The following FSTL4 variants were observed in gnomAD, a reference collection of about 807,000 sequenced individuals.
FSTL4 encodes the protein follistatin-related protein 4.
FSTL4 carries 28 observed loss-of-function variants against 78.2 expected under a neutral mutation model. That is an observed-to-expected ratio of 0.36 (90% CI 0.27 to 0.49). The LOEUF (loss-of-function observed/expected upper bound fraction) is 0.49, where lower values mean the gene tolerates loss of function less well. Ranked by LOEUF, FSTL4 falls within the 20% of genes least tolerant of loss-of-function variation. The pLI, the probability that FSTL4 is intolerant of heterozygous loss-of-function variation, is 0.98. For missense variants in FSTL4, 922 were observed against 1,084.9 expected, an observed-to-expected ratio of 0.85 and a Z score of 2.11; for synonymous variants, 422 against 440.5, an observed-to-expected ratio of 0.96 and a Z score of 0.53.
chr5:133,769,901 T>C, the FSTL4 span, among the ~76,000 whole-genome samples: 1 of 152,196 alleles, frequency 6.6e-6, no homozygotes, highest in Non-Finnish European at 1.5e-5. Context: ...TTCCACTCTA[T>C]ACATCCATGG....
At chr5:133,729,426 G>T in the FSTL4 span, among the ~76,000 whole-genome samples, 3 of 152,102 alleles carry the variant, frequency 2.0e-5, no homozygotes, top group Non-Finnish European at 4.4e-5. Context: ...AAGTGTTGCT[G>T]GGAGGGTTAA....
chr5:133,804,942 C>T, the FSTL4 span, among the ~76,000 whole-genome samples: 1 of 94,518 alleles, frequency 1.1e-5, no homozygotes, highest in African/African-American at 4.5e-5. Flanking sequence ...GACTCCGTCT[C>T]AAAAAAAAAA....
At chr5:133,690,429 A>C in the FSTL4 span, among the ~76,000 whole-genome samples, 1 of 152,160 alleles carries the variant, frequency 6.6e-6, no homozygotes, top group African/African-American at 2.4e-5. Flanking sequence ...GAATCATGAC[A>C]TATATCTGCT....
At chr5:133,747,270 T>C in the FSTL4 span, among the ~76,000 whole-genome samples, 2 of 152,342 alleles carry the variant, frequency 1.3e-5, no homozygotes, top group South Asian at 4.1e-4. Flanking sequence ...AAATTATTCT[T>C]AATTAAAAAA....
chr5:133,645,881 C>T, the FSTL4 span, among the ~76,000 whole-genome samples: 3,464 of 152,218 alleles, frequency 0.023, 144 homozygotes, highest in African/African-American at 0.078. Context: ...CATGGCCCTC[C>T]GAACACCTTG....
chr5:133,808,011 A>G, the FSTL4 span, among the ~76,000 whole-genome samples: 1 of 152,164 alleles, frequency 6.6e-6, no homozygotes, highest in Non-Finnish European at 1.5e-5. Context: ...ACCAAGCACT[A>G]TGAACTCCTT....
chr5:133,238,471 C>T (rs1409768431), intron 7 of FSTL4, among the ~76,000 whole-genome samples: 1 of 152,224 alleles, frequency 6.6e-6, no homozygotes, highest in East Asian at 1.9e-4. Context: ...GGCCATTCCT[C>T]GAACACGTCT....
intron 4 of FSTL4, among the ~76,000 whole-genome samples, chr5:133,334,366 A>G (rs558377240): frequency 6.6e-6 from 1 of 152,140 alleles, no homozygotes; most frequent in Admixed American, 6.5e-5. Context: ...CACCCCTCTA[A>G]GTGGCAGTGC....
chr5:133,248,999 ACCT>A (rs1287544431), intron 7 of FSTL4, among the ~76,000 whole-genome samples: 1 of 151,924 alleles, frequency 6.6e-6, no homozygotes, highest in Non-Finnish European at 1.5e-5. Flanking sequence ...AGGGCCCAGA[ACCT>A]CCTCCTAAGG....
chr5:133,536,199 A>G (rs1342750770), intron 3 of FSTL4, among the ~76,000 whole-genome samples: 1 of 152,248 alleles, frequency 6.6e-6, no homozygotes, highest in Non-Finnish European at 1.5e-5. Flanking sequence ...TAGAAAATAC[A>G]GATAATAACG....
chr5:133,764,223 C>A, the FSTL4 span, among the ~76,000 whole-genome samples: 3 of 152,216 alleles, frequency 2.0e-5, no homozygotes, highest in African/African-American at 7.2e-5. Context: ...GCCCAGCTCC[C>A]AGCCCAGCCT....
At chr5:133,538,222 G>A (rs1196080940) in intron 3 of FSTL4, among the ~76,000 whole-genome samples, 3 of 151,798 alleles carry the variant, frequency 2.0e-5, no homozygotes, top group Admixed American at 2.0e-4. Context: ...CAGCCTTTCT[G>A]TCTCTTGACC....
At chr5:133,501,061 T>C (rs1262121186) in intron 3 of FSTL4, among the ~76,000 whole-genome samples, 1 of 152,076 alleles carries the variant, frequency 6.6e-6, no homozygotes, top group Non-Finnish European at 1.5e-5. Flanking sequence ...AGATGGAACA[T>C]GGCTATCACT....
rs141684085 is a variant in FSTL4, at chr5:133,342,650, C to T, written c.410-25998G>A. Reference sequence around the variant, plus strand: ...AATCAGATGCTGCAGGTGAGCTGAGCAGAGACACCCCAGACACAGGGCAAA... The same window carrying T: ...AATCAGATGCTGCAGGTGAGCTGAGTAGAGACACCCCAGACACAGGGCAAA... On this transcript the variant is annotated intron_variant, in intron 4 of 15. Coordinates refer to ENST00000265342, the MANE Select transcript of FSTL4 (RefSeq NM_015082.2). 1.3e-3 allele frequency among the ~76,000 whole-genome samples: 199 copies of T among 152,258 alleles called. 1 individual carries two copies. The highest frequency in any genetic ancestry group is 4.4e-3 in the African/African-American group (181 of 41,552).
chr5:133,699,052 A>C, the FSTL4 span, among the ~76,000 whole-genome samples: 1 of 152,220 alleles, frequency 6.6e-6, no homozygotes, highest in Non-Finnish European at 1.5e-5. Flanking sequence ...AGAGGCAGTC[A>C]ATGGTGTCCT....
At chr5:133,663,838 A>T in the FSTL4 span, among the ~76,000 whole-genome samples, 3 of 152,220 alleles carry the variant, frequency 2.0e-5, no homozygotes, top group Non-Finnish European at 4.4e-5. Flanking sequence ...CAACTTGAAC[A>T]AGCCAGGGAG....
chr5:133,375,856 T>G (rs895212413), intron 4 of FSTL4, among the ~76,000 whole-genome samples: 3 of 152,204 alleles, frequency 2.0e-5, no homozygotes, highest in African/African-American at 4.8e-5. Context: ...GTAGAAAATA[T>G]TACAAGTTTC....
At chr5:133,333,686 C>T (rs1580626653) in intron 4 of FSTL4, among the ~76,000 whole-genome samples, 1 of 152,218 alleles carries the variant, frequency 6.6e-6, no homozygotes, top group African/African-American at 2.4e-5. Flanking sequence ...GTAGCCGATT[C>T]CCAGAGCAAG....
chr5:133,280,237 A>G (rs1163058619), intron 6 of FSTL4, among the ~76,000 whole-genome samples: 2 of 152,162 alleles, frequency 1.3e-5, no homozygotes, highest in African/African-American at 2.4e-5. Flanking sequence ...CCCCTGGCCA[A>G]TCATTTCATT....
Sources: gnomAD v4.1 joint callset for allele counts (sites outside exome capture counted in the v4.1 genomes callset) on GRCh38, gnomAD v4.1.1 for gene constraint, MANE v1.5 for transcripts, NCBI Gene and HGNC (gene_info 2026-07-23, HGNC 2026-07-21) for gene names.